BAHCC1: variants seen among roughly 807,000 people sequenced by gnomAD.
The protein encoded by BAHCC1 is BAH and coiled-coil domain-containing protein 1.
In BAHCC1, 43 loss-of-function variants were observed where a neutral mutation model predicts 88.2. The ratio of observed to expected loss-of-function variants is 0.49; its 90% CI spans 0.38 to 0.63. The LOEUF is 0.63. Among genes scored for constraint, BAHCC1 ranks in the 20% least tolerant of loss-of-function variants. The pLI is 0.00. For missense variants in BAHCC1, 3,023 were observed against 1,654.8 expected, an observed-to-expected ratio of 1.83 and a Z score of -14.34; for synonymous variants, 1,510 against 745.5, an observed-to-expected ratio of 2.03 and a Z score of -16.71.
chr17:81,438,589 T>C (rs1666664697), intron 4 of BAHCC1, 97 bp downstream of exon 4: 1 of 693,796 alleles, frequency 1.4e-6, no homozygotes, highest in Non-Finnish European at 2.7e-6. Context: ...CCAGCCTAGG[T>C]TAGCCCTCCC....
rs532575779 is a variant in BAHCC1, at chr17:81,458,948, G to T, written c.5584G>T (p.Ala1862Ser). Residue 1862 changes from alanine (A) to serine (S), a missense_variant, in exon 20 of 28, where the codon GCA becomes TCA. Physicochemically the swap from Ala to Ser is moderately conservative, Grantham distance 99 (BLOSUM62 1). Coordinates refer to ENST00000675386, the MANE Select transcript of BAHCC1 (RefSeq NM_001377448.1). Reference sequence around the variant, plus strand: ...GGAGGAGGACAGCGGCCCTCTGAGCGCAGAGCAGAGCGCCGCCCTAGGTGA... The same window carrying T: ...GGAGGAGGACAGCGGCCCTCTGAGCTCAGAGCAGAGCGCCGCCCTAGGTGA... ...EEEEDSGPLS[A>S]EQSAALARSC... The T allele has an allele frequency of 1.7e-5, 13 of 745,782 alleles. No homozygotes were observed. The highest frequency in any genetic ancestry group is 3.3e-5 in the Non-Finnish European group (13 of 398,598). 46.2% of individuals were successfully genotyped at this position (745,782 alleles called of 1,614,324 possible). A position where few individuals can be genotyped will look rare whatever the true frequency, so the allele number is the denominator to read the frequency against.
chr17:81,420,669 G>A (rs2064105541), intron 2 of BAHCC1, among the ~76,000 whole-genome samples: 2 of 152,270 alleles, frequency 1.3e-5, no homozygotes. Flanking sequence ...CTGGAGCTGG[G>A]GCCAGAGCCC....
Position 81,445,085 on chromosome 17 carries a change from G to A in BAHCC1, c.2742G>A (p.Gln914=). The A allele has an allele frequency of 1.3e-6, 1 of 770,458 alleles. No individual in the cohort carries two copies. The highest frequency in any genetic ancestry group is 1.4e-5 in the South Asian group (1 of 72,806). The allele number at this position is 770,458 out of a possible 1,614,324, so 47.7% of individuals were successfully genotyped here. Reference sequence around the variant, plus strand: ...GCCGGGGCCCCGCCTCTCACATGCAGCACCCGGGCCAGCTCCCTGTGTACT... The same window carrying A: ...GCCGGGGCCCCGCCTCTCACATGCAACACCCGGGCCAGCTCCCTGTGTACT... ...YGGRGPASHM[Q]HPGQLPVYSR... is the part of the protein sequence containing the mutation. Residue 914 remains glutamine, a synonymous_variant, in exon 9 of 28, where the codon CAG becomes CAA. Transcript: ENST00000675386.
At chr17:81,436,729 C>T (rs1336104218) in intron 3 of BAHCC1, among the ~76,000 whole-genome samples, 4 of 152,224 alleles carry the variant, frequency 2.6e-5, no homozygotes, top group African/African-American at 9.6e-5. Context: ...CGAGCCTCAG[C>T]CCCGTGTCCT....
Position 81,464,170 on chromosome 17 carries a change from G to C in BAHCC1, c.*353G>C. On this transcript the variant is annotated 3_prime_UTR_variant, in exon 28 of 28. Coordinates refer to ENST00000675386, the MANE Select transcript of BAHCC1 (RefSeq NM_001377448.1). ...CTCCGACTGTCTCCCACCAGGGAAA[G>C]CAGAAATCAGGTGTGTTGTCTATTT... is the stretch of plus-strand genomic sequence containing the variant. 1 of 373,284 alleles carries C rather than the reference G, an allele frequency of 2.7e-6. No homozygotes were observed. The highest frequency in any genetic ancestry group is 5.0e-6 in the Non-Finnish European group (1 of 200,610). 23.1% of individuals were successfully genotyped at this position (373,284 alleles called of 1,614,324 possible).
chr17:81,418,796 C>CGTGTGTGTGTGTGTGCGCAT (rs539655672), intron 2 of BAHCC1, among the ~76,000 whole-genome samples: 3,679 of 144,894 alleles, frequency 0.025, 77 homozygotes, highest in Non-Finnish European at 0.039. Context: ...TACGTGTGTG[C>CGTGTGTGTGTGTGTGCGCAT]GTGTGTGTGT....
rs1409765600 is a variant in BAHCC1, at chr17:81,456,430, A to C, written c.4703A>C (p.Glu1568Ala). ...GGCCTCAGCTCTTTCCAGCAGAAGGAGGCTACCCCCGGGGGGCGCATCCGG... is the reference window on the plus strand; with the variant it reads ...GGCCTCAGCTCTTTCCAGCAGAAGGCGGCTACCCCCGGGGGGCGCATCCGG... ...PTGLSSFQQK[E>A]ATPGGRIREK... is the part of the protein sequence containing the mutation. The change falls in exon 16 of 28, where the codon GAG becomes GCG. Residue 1568 changes from glutamate (E) to alanine (A), a missense_variant. Physicochemically the swap from Glu to Ala is moderately radical, Grantham distance 107. Transcript: ENST00000675386. 1.4e-6 allele frequency: 1 copy of C among 722,856 alleles called. No homozygotes were observed. The highest frequency in any genetic ancestry group is 2.7e-5 in the East Asian group (1 of 37,712). The allele number at this position is 722,856 out of a possible 1,614,324, so 44.8% of individuals were successfully genotyped here.
chr17:81,447,726 C>T lies in BAHCC1; in HGVS notation c.3854C>T (p.Ala1285Val), dbSNP rs782244723. The change falls in exon 11 of 28, where the codon GCG becomes GTG. Residue 1285 changes from alanine to valine, a missense_variant. Transcript: ENST00000675386. ...AGCCCACCGGACCCTCAGCCCCCAG[C>T]GGCCTCTGGGCCCCCCAGCACAGTC... ...SDSPPDPQPPAASGPPSTVPL... is the reference protein window; with the variant it reads ...SDSPPDPQPPVASGPPSTVPL... 1.8e-5 allele frequency: 13 copies of T among 733,752 alleles called. No individual in the cohort carries two copies. Among genetic ancestry groups the T allele is most frequent in the Admixed American group, 3.8e-5 (2 of 52,188 alleles). 45.5% of individuals were successfully genotyped at this position (733,752 alleles called of 1,614,324 possible). A position where few individuals can be genotyped will look rare whatever the true frequency, so the allele number is the denominator to read the frequency against.
chr17:81,399,294 C>G lies in BAHCC1; in HGVS notation c.-206-240C>G. 1 of 309,700 alleles carries G rather than the reference C, an allele frequency of 3.2e-6. No individual in the cohort carries two copies. The highest frequency in any genetic ancestry group is 2.2e-5 in the South Asian group (1 of 46,200). 19.2% of individuals were successfully genotyped at this position (309,700 alleles called of 1,614,324 possible). On this transcript the variant is annotated intron_variant, in intron 1 of 27. Coordinates refer to ENST00000675386, the MANE Select transcript of BAHCC1 (RefSeq NM_001377448.1). The surrounding 1 kb of genome is among the most constrained non-coding windows in gnomAD (Gnocchi z 4.5). ...GAGCAGTGCGGCTGGGTTCCCCCGG[C>G]TGCCCCGGGCCAAGCGTGGCCGGGA...
intron 2 of BAHCC1, chr17:81,409,912 G>C (rs2063928273): frequency 5.5e-6 from 1 of 180,952 alleles, no homozygotes; most frequent in Non-Finnish European, 1.2e-5. Context: ...AGGCCCGGGA[G>C]AGCACCTGGC....
chr17:81,418,780 T>TGC lies in BAHCC1; in HGVS notation c.179-8019_179-8018insCG, dbSNP rs1568003204. On this transcript the variant is annotated intron_variant, in intron 2 of 27. Transcript: ENST00000675386. The stretch of plus-strand genomic sequence containing the variant: ...GTGTGTGTGTACGTGTGTGTACGTG[T>TGC]GTGTGTACGTGTGTGCGTGTGTGTG... 1.8e-3 allele frequency among the ~76,000 whole-genome samples: 261 copies of TGC among 143,064 alleles called. 2 individuals are homozygous for TGC. The highest frequency in any genetic ancestry group is 6.5e-3 in the African/African-American group (250 of 38,632). The allele number at this position is 143,064 out of a possible 152,430, so 93.9% of individuals were successfully genotyped here. A position where few individuals can be genotyped will look rare whatever the true frequency, so the allele number is the denominator to read the frequency against.
rs561626591 is a variant in BAHCC1 at position 81,448,550 on chromosome 17, G to T, written c.3976+702G>T. 2.0e-5 allele frequency among the ~76,000 whole-genome samples: 3 copies of T among 152,336 alleles called. No individual in the cohort carries two copies. The East Asian group carries it at 5.8e-4, about 29-fold the overall frequency. On this transcript the variant is annotated intron_variant, in intron 11 of 27. Transcript: ENST00000675386. ...TGTGGGCCCCAGAGAAAGCCCCGGG[G>T]TGGAGGGCGTCCCCCAGCCGGGCAC...
In BAHCC1 at chr17:81,444,409, C is replaced by T. The variant is rs782780981; in HGVS notation, c.2353C>T (p.Arg785Trp). Residue 785 changes from arginine (R) to tryptophan (W), a missense_variant, in exon 7 of 28, where the codon CGG (arginine) becomes TGG (tryptophan). Coordinates refer to ENST00000675386, the MANE Select transcript of BAHCC1 (RefSeq NM_001377448.1). ...CAGCAAAGACCGCGTAGAGTTCGCC[C>T]GGATCCACCCACCGAGCAGCTGCCC... Reference protein sequence around the residue: ...QDSKDRVEFARIHPPSSCPGD... With the variant: ...QDSKDRVEFAWIHPPSSCPGD... 5.1e-5 allele frequency: 38 copies of T among 748,906 alleles called. No individual in the cohort carries two copies. Among genetic ancestry groups the T allele is most frequent in the Non-Finnish European group, 7.7e-5 (31 of 404,134 alleles). The allele number at this position is 748,906 out of a possible 1,614,324, so 46.4% of individuals were successfully genotyped here.
chr17:81,457,820 G>C (rs1442672705), intron 17 of BAHCC1, among the ~76,000 whole-genome samples: 1 of 80,526 alleles, frequency 1.2e-5, no homozygotes, highest in African/African-American at 5.2e-5. Flanking sequence ...CGGGGGGAGG[G>C]CAGGGGTTGC....
intron 2 of BAHCC1, among the ~76,000 whole-genome samples, chr17:81,414,391 A>G (rs997159682): frequency 6.6e-6 from 1 of 152,130 alleles, no homozygotes; most frequent in African/African-American, 2.4e-5. Flanking sequence ...CCCGGACCCC[A>G]CAGAGGCGGA....
rs1314326506 is a variant in BAHCC1, at chr17:81,435,562, G to A, written c.359-2808G>A. 1.5e-5 allele frequency: 7 copies of A among 457,532 alleles called. No homozygotes were observed. The highest frequency in any genetic ancestry group is 3.2e-5 in the Non-Finnish European group (7 of 219,880). The allele number at this position is 457,532 out of a possible 1,614,324, so 28.3% of individuals were successfully genotyped here. On this transcript the variant is annotated intron_variant, in intron 3 of 27. Transcript: ENST00000675386. This position sits in a 1 kb window ranked among gnomAD's most constrained non-coding sequence, Gnocchi z 4.4. ...CCGTCTCAAAGGGGTCTGGGAAGGG[G>A]AGGTTCTGGAGCCCCGACGTTCTAG... is the stretch of plus-strand genomic sequence containing the variant.
chr17:81,443,944 G>T, intron 6 of BAHCC1, 27 bp downstream of exon 6: 1 of 706,270 alleles, frequency 1.4e-6, no homozygotes, highest in South Asian at 1.5e-5. Flanking sequence ...TGGCCCTGGA[G>T]AGTGGGGCTA....
intron 1 of BAHCC1, among the ~76,000 whole-genome samples, chr17:81,397,392 AGAG>A (rs376778242): frequency 7.2e-5 from 9 of 125,796 alleles, no homozygotes; most frequent in African/African-American, 2.6e-4. Context: ...TTCTTATTGG[AGAG>A]AAAAAAAAAA....
intron 14 of BAHCC1, among the ~76,000 whole-genome samples, chr17:81,453,641 G>T (rs573699355): frequency 2.0e-5 from 3 of 152,024 alleles, no homozygotes; most frequent in East Asian, 3.9e-4. Flanking sequence ...CTGGGGGGGG[G>T]TCTCCTGGGG....
Sources: gnomAD v4.1 joint callset for allele counts (sites outside exome capture counted in the v4.1 genomes callset) on GRCh38, gnomAD v4.1.1 for gene constraint, Gnocchi (gnomAD v3.1) non-coding constraint, MANE v1.5 for transcripts, NCBI Gene and HGNC (gene_info 2026-07-23, HGNC 2026-07-21) for gene names.